The following KANK4 variants were observed in gnomAD, a reference collection of about 807,000 sequenced individuals.
The protein encoded by KANK4 is KN motif and ankyrin repeat domains 4.
A neutral mutation model predicts 80.8 loss-of-function variants in KANK4; 50 were observed. That is an observed-to-expected ratio of 0.62 (90% CI 0.49 to 0.78). The LOEUF (loss-of-function observed/expected upper bound fraction) is 0.78, where lower values mean the gene tolerates loss of function less well. Among genes scored for constraint, KANK4 ranks in the 30% least tolerant of loss-of-function variants. The probability of loss-of-function intolerance (pLI) is 0.00; values close to 1 mark genes in which losing one functional copy is unlikely to be tolerated. For missense variants in KANK4, 1,196 were observed against 1,240.1 expected, an observed-to-expected ratio of 0.96 and a Z score of 0.53; for synonymous variants, 465 against 506.9, an observed-to-expected ratio of 0.92 and a Z score of 1.11.
chr1:62,314,967 G>A (rs1275464615), intron 1 of KANK4, among the ~76,000 whole-genome samples: 3 of 152,194 alleles, frequency 2.0e-5, no homozygotes, highest in Admixed American at 1.3e-4. Flanking sequence ...CACCATCTAC[G>A]TACTTTAAAT....
At chr1:62,238,445 G>C in intron 9 of KANK4, 64 bp from the exon 10 acceptor site, 2 of 1,424,348 alleles carry the variant, frequency 1.4e-6, no homozygotes, top group African/African-American at 2.8e-5. Context: ...TGGGGGAGAA[G>C]GGCAAGTTGG....
chr1:62,263,494 C>T (rs887563831), intron 6 of KANK4, 183 bp from the exon 7 acceptor site: 44 of 599,890 alleles, frequency 7.3e-5, no homozygotes, highest in Non-Finnish European at 1.1e-4. Context: ...TGTACTTGTG[C>T]GATCAGCCCC....
In KANK4 at chr1:62,268,442, G is replaced by A. The variant is rs777791511; in HGVS notation, c.2076C>T (p.Asp692=). The part of the protein sequence containing the change: ...GEDSTPEDLS[D]SEAEKKCDGP... ...CGTCACACTTCTTCTCTGCCTCGCT[G>A]TCAGACAAGTCCTCTGGGGTGCTGT... is the stretch of plus-strand genomic sequence containing the variant. Residue 692 remains aspartate (D), a synonymous_variant, in exon 5 of 10, where the codon GAC becomes GAT. Transcript: ENST00000371153. 1 of 1,613,900 alleles carries A rather than the reference G, an allele frequency of 6.2e-7. No homozygotes were observed.
intron 7 of KANK4, among the ~76,000 whole-genome samples, 200 bp from the exon 8 acceptor site, chr1:62,253,409 C>CTTTTTTTTTTTTTTTTTTTTTTCT (rs34488630): frequency 9.0e-6 from 1 of 110,982 alleles, no homozygotes; most frequent in Non-Finnish European, 1.7e-5. Flanking sequence ...TTCTTTCTTT[C>CTTTTTTTTTTTTTTTTTTTTTTCT]TTTTTTTTTT....
At chr1:62,255,562 A>G (rs11802695) in intron 7 of KANK4, among the ~76,000 whole-genome samples, 26,807 of 152,078 alleles carry the variant, frequency 0.18, 2,758 homozygotes, top group African/African-American at 0.27. Flanking sequence ...ATTACACTTA[A>G]TCAAGTCACT....
intron 4 of KANK4, 111 bp from the exon 5 acceptor site, chr1:62,268,616 C>T: frequency 1.2e-6 from 1 of 800,944 alleles, no homozygotes; most frequent in South Asian, 1.5e-5. Context: ...TGCTAATCTC[C>T]TCCCCCACTC....
At chr1:62,303,863 A>T (rs1170969490) in intron 1 of KANK4, among the ~76,000 whole-genome samples, 11 of 151,678 alleles carry the variant, frequency 7.3e-5, no homozygotes, top group Non-Finnish European at 1.5e-4. Context: ...AATGTATTTC[A>T]AATTCTTTTT....
chr1:62,280,131 T>C (rs1404656392), intron 2 of KANK4, among the ~76,000 whole-genome samples: 3 of 151,782 alleles, frequency 2.0e-5, no homozygotes, highest in African/African-American at 7.3e-5. Context: ...CTGAAGTAAA[T>C]GGGGAAAAAC....
intron 2 of KANK4, among the ~76,000 whole-genome samples, chr1:62,280,814 C>T (rs1375927348): frequency 2.6e-5 from 4 of 152,216 alleles, no homozygotes; most frequent in Non-Finnish European, 5.9e-5. Flanking sequence ...GTGTTGTCAA[C>T]TGTTTGCAAA....
At chr1:62,256,209 C>G (rs538936585) in intron 7 of KANK4, among the ~76,000 whole-genome samples, 1 of 152,156 alleles carries the variant, frequency 6.6e-6, no homozygotes, top group East Asian at 1.9e-4. Flanking sequence ...AGTAAACACT[C>G]GGTAAGAGTT....
rs776739426 is a variant in KANK4, at chr1:62,263,170, C to T, written c.2461G>A (p.Asp821Asn). ...HFLKLLVNLA[D>N]HNGNTALHYS... is the part of the protein sequence containing the mutation. ...TGAAGGGCCGTGTTCCCGTTGTGAT[C>T]GGCCAAGTTGACAAGCAGTTTCAGG... The change falls in exon 7 of 10, where the codon GAT becomes AAT. Residue 821 changes from aspartate (D) to asparagine (N), a missense_variant. Physicochemically the swap from Asp to Asn is conservative, Grantham distance 23. Around this residue, in one of 3 missense-constraint regions of KANK4, gnomAD observed 1,154 missense variants for 1,179.6 expected, o/e 0.98. Transcript: ENST00000371153. The T allele has an allele frequency of 8.1e-6, 13 of 1,613,772 alleles. No individual in the cohort carries two copies. Among genetic ancestry groups the T allele is most frequent in the East Asian group, 2.2e-5 (1 of 44,890 alleles).
intron 1 of KANK4, among the ~76,000 whole-genome samples, chr1:62,318,442 G>A (rs965737435): frequency 6.6e-6 from 1 of 152,226 alleles, no homozygotes; most frequent in African/African-American, 2.4e-5. Flanking sequence ...GAGGCAGAAG[G>A]GAAAGGAGCC....
At position 62,267,750 on chromosome 1, in the gene KANK4, C is replaced by T. The variant is rs538772753; in HGVS notation, c.2231+537G>A. Among the ~76,000 whole-genome samples, 7 of 148,778 alleles carry T rather than the reference C, an allele frequency of 4.7e-5. No homozygotes were observed. The South Asian group carries it at 6.4e-4, about 14-fold the overall frequency. Reference sequence around the variant, plus strand: ...CCAAGAGGCAGAGGTTGCAGTGAGCCGAGATCGTGCCACTTCACTCCAGCC... The same window carrying T: ...CCAAGAGGCAGAGGTTGCAGTGAGCTGAGATCGTGCCACTTCACTCCAGCC... On this transcript the variant is annotated intron_variant, in intron 5 of 9. Transcript: ENST00000371153.
intron 1 of KANK4, among the ~76,000 whole-genome samples, chr1:62,286,530 A>G (rs918145568): frequency 2.6e-5 from 4 of 152,240 alleles, no homozygotes; most frequent in Admixed American, 2.0e-4. Context: ...GCTTCCGAGG[A>G]ACACATCTAG....
intron 2 of KANK4, among the ~76,000 whole-genome samples, chr1:62,279,627 C>T (rs1443537060): frequency 6.6e-6 from 1 of 152,148 alleles, no homozygotes; most frequent in African/African-American, 2.4e-5. Context: ...ATAATAATGC[C>T]TAACTTACAG....
In KANK4 at chr1:62,253,084, T is replaced by A; in HGVS notation, c.2665A>T (p.Asn889Tyr). 6.2e-7 allele frequency: 1 copy of A among 1,613,940 alleles called. No homozygotes were observed. The highest frequency in any genetic ancestry group is 8.5e-7 in the Non-Finnish European group (1 of 1,179,938). The part of the protein sequence containing the change: ...VWKLLREGNV[N>Y]IQATQGGQTA... ...CCACCCACCTGAGTAGCTTGAATGT[T>A]CACATTTCCTTCTCTTAAGAGCTTC... Residue 889 changes from asparagine to tyrosine, a missense_variant, in exon 8 of 10, where the codon AAC becomes TAC. By Grantham distance (143) the Asn-to-Tyr change is moderately radical. Around this residue, in one of 3 missense-constraint regions of KANK4, gnomAD observed 1,154 missense variants for 1,179.6 expected, o/e 0.98. Coordinates refer to ENST00000371153, the MANE Select transcript of KANK4 (RefSeq NM_181712.5).
At chr1:62,309,867 G>A (rs1488731268) in intron 1 of KANK4, among the ~76,000 whole-genome samples, 3 of 152,304 alleles carry the variant, frequency 2.0e-5, no homozygotes, top group Non-Finnish European at 2.9e-5. Flanking sequence ...CAAAAGCGGG[G>A]AATTTCTCTG....
chr1:62,317,794 T>A (rs987829996), intron 1 of KANK4, among the ~76,000 whole-genome samples: 3 of 152,222 alleles, frequency 2.0e-5, no homozygotes, highest in African/African-American at 7.2e-5. Flanking sequence ...CCTGTTGGTG[T>A]TGGCCACTGG....
chr1:62,253,409 CTTTTT>C (rs34488630), intron 7 of KANK4, among the ~76,000 whole-genome samples, 200 bp from the exon 8 acceptor site: 4 of 110,980 alleles, frequency 3.6e-5, no homozygotes, highest in African/African-American at 1.0e-4. Context: ...TTCTTTCTTT[CTTTTT>C]TTTTTTTTTT....
Sources: allele counts gnomAD v4.1 joint callset (sites outside exome capture counted in the v4.1 genomes callset), GRCh38; gene constraint gnomAD v4.1.1; regional missense constraint gnomAD v4.1.1; transcripts MANE v1.5; gene names NCBI Gene and HGNC (gene_info 2026-07-23, HGNC 2026-07-21).